The following TMEM94 variants were observed in gnomAD, a reference collection of about 807,000 sequenced individuals.
TMEM94 encodes the protein ER Mg2+ ATPase.
In TMEM94, 81 loss-of-function variants were observed where a neutral mutation model predicts 158.6. That is an observed-to-expected ratio of 0.51 (90% CI 0.43 to 0.61). The LOEUF (loss-of-function observed/expected upper bound fraction) is 0.61. TMEM94 is among the 20% of genes least tolerant of loss of function. The pLI is 0.00. For missense variants in TMEM94, 1,435 were observed against 1,762.0 expected (o/e 0.81, Z 3.32); for synonymous variants, 751 against 730.7 (o/e 1.03, Z -0.45).
chr17:75,485,820 A>G lies in TMEM94; in HGVS notation c.145-51A>G. On this transcript the variant is annotated intron_variant, in intron 3 of 31. Coordinates refer to ENST00000314256, the MANE Select transcript of TMEM94 (RefSeq NM_014738.6). The surrounding 1 kb of genome is among the most constrained non-coding windows in gnomAD (Gnocchi z 5.5). ...GAAGGGTGCCGGGGGAGGCAGCCAG[A>G]TTGGAGTGGGACAGGCCTCTCATTG... The G allele has an allele frequency of 6.4e-7, 1 of 1,554,608 alleles. No individual in the cohort carries two copies. The highest frequency in any genetic ancestry group is 8.7e-7 in the Non-Finnish European group (1 of 1,145,344).
intron 1 of TMEM94, among the ~76,000 whole-genome samples, chr17:75,464,190 C>A (rs1351252181): frequency 1.3e-5 from 2 of 152,166 alleles, no homozygotes; most frequent in Non-Finnish European, 2.9e-5. Flanking sequence ...TGTCTAGATA[C>A]TTGGCATGGC....
intron 2 of TMEM94, among the ~76,000 whole-genome samples, chr17:75,473,527 T>C (rs1162343072): frequency 6.6e-6 from 1 of 152,152 alleles, no homozygotes; most frequent in East Asian, 1.9e-4. Flanking sequence ...CACTGAACAC[T>C]AGTGCCTAGT....
chr17:75,462,827 C>CAA (rs1235590470), intron 1 of TMEM94, among the ~76,000 whole-genome samples: 2 of 104,790 alleles, frequency 1.9e-5, no homozygotes, highest in African/African-American at 7.4e-5. Flanking sequence ...CTTGTGTCTA[C>CAA]AAAAAAAAAA....
intron 1 of TMEM94, among the ~76,000 whole-genome samples, chr17:75,469,051 AC>A (rs1475483480): frequency 6.6e-6 from 1 of 152,108 alleles, no homozygotes; most frequent in East Asian, 1.9e-4. Flanking sequence ...GGTAGGGCAA[AC>A]CTCATTTTCC....
At chr17:75,470,961 A>G (rs1032548532) in intron 1 of TMEM94, among the ~76,000 whole-genome samples, 1 of 150,068 alleles carries the variant, frequency 6.7e-6, no homozygotes, top group African/African-American at 2.5e-5. Flanking sequence ...AATGAAGGTC[A>G]GGCGCGGTGG....
At position 75,489,100 on chromosome 17, in the gene TMEM94, G is replaced by T. The variant is rs917354297; in HGVS notation, c.765-166G>T. On this transcript the variant is annotated intron_variant, in intron 7 of 31. Transcript: ENST00000314256. The surrounding 1 kb of genome is among the most constrained non-coding windows in gnomAD (Gnocchi z 5.0). ...CCCTCTCCCAGTCTCTACTCTGAGGGGACAGCTCTGGAGGTGAACACGGGC... is the reference window on the plus strand; with the variant it reads ...CCCTCTCCCAGTCTCTACTCTGAGGTGACAGCTCTGGAGGTGAACACGGGC... Among the ~76,000 whole-genome samples the T allele has an allele frequency of 6.6e-6, 1 of 152,236 alleles. No homozygotes were observed. The highest frequency in any genetic ancestry group is 2.4e-5 in the African/African-American group (1 of 41,460).
chr17:75,482,545 T>C (rs2051259642), intron 2 of TMEM94, among the ~76,000 whole-genome samples: 1 of 151,642 alleles, frequency 6.6e-6, no homozygotes, highest in Non-Finnish European at 1.5e-5. Flanking sequence ...TGTATGTATG[T>C]ATGTATGTAT....
At chr17:75,493,677 C>A in intron 17 of TMEM94, 22 bp from the exon 18 acceptor site, 1 of 1,613,744 alleles carries the variant, frequency 6.2e-7, no homozygotes, top group African/African-American at 1.3e-5. Context: ...ACTCACCTCA[C>A]CTCCGCCTGC....
chr17:75,488,799 C>T lies in TMEM94; in HGVS notation c.653C>T (p.Pro218Leu), dbSNP rs761930918. 1 of 1,613,578 alleles carries T rather than the reference C, an allele frequency of 6.2e-7. No homozygotes were observed. Among genetic ancestry groups the T allele is most frequent in the Non-Finnish European group, 8.5e-7 (1 of 1,179,750 alleles). Residue 218 changes from proline to leucine, a missense_variant, in exon 7 of 32, where the codon CCC becomes CTC. Pro to Leu is a moderately conservative substitution (Grantham distance 98, BLOSUM62 -3). Around this residue, in one of 3 missense-constraint regions of TMEM94, gnomAD observed 1,051 missense variants for 1,254.4 expected, o/e 0.84. Coordinates refer to ENST00000314256, the MANE Select transcript of TMEM94 (RefSeq NM_014738.6). Reference sequence around the variant, plus strand: ...GTCCTGGAGCCGGGAGACCTCTTCCCCCCCTTCTCCCCTCCACCCTCACCC... The same window carrying T: ...GTCCTGGAGCCGGGAGACCTCTTCCTCCCCTTCTCCCCTCCACCCTCACCC... ...HIVLEPGDLF[P>L]PFSPPPSPRG... is the part of the protein sequence containing the mutation.
Position 75,498,143 on chromosome 17 carries a change from C to A in TMEM94, c.3490-32C>A. On this transcript the variant is annotated intron_variant, in intron 27 of 31. Transcript: ENST00000314256. This position sits in a 1 kb window ranked among gnomAD's most constrained non-coding sequence, Gnocchi z 6.7. ...AGGAGCAGCCGGCAGAGGGGCTGTG[C>A]GCCCCAGGAGTGACTGGCCTTGTTC... 6.2e-7 allele frequency: 1 copy of A among 1,608,922 alleles called. No homozygotes were observed. Among genetic ancestry groups the A allele is most frequent in the Non-Finnish European group, 8.5e-7 (1 of 1,176,562 alleles).
intron 1 of TMEM94, among the ~76,000 whole-genome samples, chr17:75,462,858 G>A (rs1476069892): frequency 6.8e-6 from 1 of 146,756 alleles, no homozygotes; most frequent in East Asian, 2.0e-4. Context: ...ATGGTGGCAT[G>A]TGTCTGTGGT....
intron 1 of TMEM94, among the ~76,000 whole-genome samples, chr17:75,464,084 G>A (rs918573486): frequency 1.3e-5 from 2 of 152,142 alleles, no homozygotes; most frequent in African/African-American, 4.8e-5. Context: ...CTCAACCTGA[G>A]CCTTGGGCTC....
At chr17:75,479,994 G>T (rs2051032323) in intron 2 of TMEM94, among the ~76,000 whole-genome samples, 1 of 151,952 alleles carries the variant, frequency 6.6e-6, no homozygotes, top group South Asian at 2.1e-4. Context: ...GCTGAGGTGG[G>T]AGAATTGCTT....
Position 75,491,735 on chromosome 17 carries a change from C to T in TMEM94, c.1431C>T (p.Thr477=). 4.3e-6 allele frequency: 7 copies of T among 1,614,114 alleles called. No homozygotes were observed. The highest frequency in any genetic ancestry group is 5.9e-6 in the Non-Finnish European group (7 of 1,180,048). ...TCCTGGCTGGCTCCCTGAACAACAC[C>T]CTGCACCTTTCCAATGAGCAGGAGC... ...DALLAGSLNN[T]LHLSNEQERG... Residue 477 remains threonine, a synonymous_variant, in exon 14 of 32, where the codon ACC becomes ACT. Transcript: ENST00000314256. This position sits in a 1 kb window ranked among gnomAD's most constrained non-coding sequence, Gnocchi z 5.1.
intron 26 of TMEM94, among the ~76,000 whole-genome samples, chr17:75,497,506 A>G (rs1030667898): frequency 2.6e-5 from 4 of 151,864 alleles, no homozygotes; most frequent in African/African-American, 9.7e-5. Context: ...GGCACCCACT[A>G]TCATGCCTGG....
intron 11 of TMEM94, 135 bp from the exon 12 acceptor site, chr17:75,490,914 G>T (rs1279437367): frequency 6.9e-5 from 64 of 932,172 alleles, no homozygotes; most frequent in Non-Finnish European, 1.0e-4. Flanking sequence ...CCCATAACGT[G>T]TCCACACCCT....
intron 1 of TMEM94, among the ~76,000 whole-genome samples, chr17:75,462,394 G>A (rs181369829): frequency 1.3e-5 from 2 of 152,036 alleles, no homozygotes; most frequent in African/African-American, 4.8e-5. Context: ...GAAGCTATTG[G>A]ATTTTTGGTT....
Position 75,495,272 on chromosome 17 carries a change from T to G in TMEM94, c.2729-12T>G. 6.3e-7 allele frequency: 1 copy of G among 1,584,722 alleles called. No individual in the cohort carries two copies. Among genetic ancestry groups the G allele is most frequent in the Middle Eastern group, 1.7e-4 (1 of 5,958 alleles). ...TGGTCCCAAGGTGAGGGAGAGGCTT[T>G]TGTCCCCACAGTGTCCCGAGATGAT... On this transcript the variant is annotated splice_polypyrimidine_tract_variant and intron_variant, in intron 20 of 31. Transcript: ENST00000314256. The surrounding 1 kb of genome is among the most constrained non-coding windows in gnomAD (Gnocchi z 5.6).
Position 75,491,921 on chromosome 17 carries a change from G to C in TMEM94, c.1596+21G>C. 1 of 1,594,510 alleles carries C rather than the reference G, an allele frequency of 6.3e-7. No individual in the cohort carries two copies. The highest frequency in any genetic ancestry group is 8.5e-7 in the Non-Finnish European group (1 of 1,170,644). ...GCAAGGTGACGGGAGGGGGTGGCAC[G>C]GGGCAGCCACACCCTCGGCCACAGG... On this transcript the variant is annotated intron_variant, in intron 14 of 31. Transcript: ENST00000314256. The surrounding 1 kb of genome is among the most constrained non-coding windows in gnomAD (Gnocchi z 5.1).
Sources: allele counts gnomAD v4.1 joint callset (sites outside exome capture counted in the v4.1 genomes callset), GRCh38; gene constraint gnomAD v4.1.1; regional missense constraint gnomAD v4.1.1; non-coding constraint Gnocchi (gnomAD v3.1); transcripts MANE v1.5; gene names NCBI Gene and HGNC (gene_info 2026-07-23, HGNC 2026-07-21).